Variants in SPECC1 observed in about 807,000 individuals in gnomAD.
The protein encoded by SPECC1 is sperm antigen with calponin homology and coiled-coil domains 1.
SPECC1 carries 62 observed loss-of-function variants against 104.1 expected under a neutral mutation model. The observed-to-expected ratio is 0.60, with a 90% CI of 0.49 to 0.74. SPECC1 has a LOEUF of 0.74. Ranked by LOEUF, SPECC1 falls within the 30% of genes least tolerant of loss-of-function variation. SPECC1 has a pLI of 0.00. For missense variants in SPECC1, 1,306 were observed against 1,310.5 expected, an observed-to-expected ratio of 1.00 and a Z score of 0.05; for synonymous variants, 513 against 501.6, an observed-to-expected ratio of 1.02 and a Z score of -0.30.
chr17:20,302,144 C>A (rs999371220), intron 13 of SPECC1, among the ~76,000 whole-genome samples: 5 of 152,238 alleles, frequency 3.3e-5, no homozygotes, highest in African/African-American at 1.2e-4. Flanking sequence ...TGAAGTGTGA[C>A]CCTGAGAGGG....
At chr17:20,313,866 A>C in intron 14 of SPECC1, 110 bp from the exon 15 acceptor site, 1 of 952,208 alleles carries the variant, frequency 1.1e-6, no homozygotes, top group Non-Finnish European at 1.6e-6. Context: ...TGTCTGTGTA[A>C]GTGGAGGGTT....
intron 12 of SPECC1, among the ~76,000 whole-genome samples, chr17:20,269,015 T>A (rs999163012): frequency 6.6e-6 from 1 of 152,192 alleles, no homozygotes; most frequent in African/African-American, 2.4e-5. Context: ...CCCACCTTAG[T>A]CTGCACAAAC....
intron 1 of SPECC1, 33 bp from the exon 2 acceptor site, chr17:20,096,598 G>T: frequency 6.4e-7 from 1 of 1,574,128 alleles, no homozygotes; most frequent in Non-Finnish European, 8.7e-7. Context: ...TTCAAGTGAT[G>T]GAGACATGTT....
Position 20,041,268 on chromosome 17 carries a change from T to G in SPECC1, c.-22+31844T>G, listed in dbSNP as rs538156526. Among the ~76,000 whole-genome samples the G allele has an allele frequency of 3.9e-5, 6 of 152,316 alleles. No homozygotes were observed. The South Asian group carries it at 1.2e-3, about 32-fold the overall frequency. ...CTATTTTTTTGAGATGGAGTTTTGC[T>G]CTTGTTGCCCAGGCTGGAGTGCAAT... is the stretch of plus-strand genomic sequence containing the variant. On this transcript the variant is annotated intron_variant, in intron 1 of 14. Transcript: ENST00000395527.
chr17:20,120,343 G>A, intron 3 of SPECC1, among the ~76,000 whole-genome samples: 1 of 152,012 alleles, frequency 6.6e-6, no homozygotes, highest in East Asian at 1.9e-4. Context: ...CCGAGATTGT[G>A]CCACTGCACT....
chr17:20,310,445 G>C (rs1165773385), intron 14 of SPECC1, among the ~76,000 whole-genome samples: 2 of 152,116 alleles, frequency 1.3e-5, no homozygotes, highest in Non-Finnish European at 2.9e-5. Flanking sequence ...GAGATGATGA[G>C]ATCTTTAAAA....
chr17:20,153,813 G>T (rs2032225199), intron 3 of SPECC1, among the ~76,000 whole-genome samples: 1 of 152,198 alleles, frequency 6.6e-6, no homozygotes, highest in Non-Finnish European at 1.5e-5. Flanking sequence ...ACAAACTCAG[G>T]CTCTGCCTAT....
chr17:20,216,770 T>C (rs1004682441), intron 4 of SPECC1, among the ~76,000 whole-genome samples: 2 of 152,302 alleles, frequency 1.3e-5, no homozygotes, highest in African/African-American at 4.8e-5. Flanking sequence ...AATTGAGAGA[T>C]GCATGAGAGT....
At chr17:20,170,551 C>A (rs988879472) in intron 3 of SPECC1, among the ~76,000 whole-genome samples, 1 of 152,142 alleles carries the variant, frequency 6.6e-6, no homozygotes, top group African/African-American at 2.4e-5. Context: ...TCACTGGGAC[C>A]TTGCCCACCC....
At chr17:20,026,011 T>G (rs2152437230) in intron 1 of SPECC1, among the ~76,000 whole-genome samples, 1 of 152,198 alleles carries the variant, frequency 6.6e-6, no homozygotes, top group Admixed American at 6.5e-5. Flanking sequence ...TTGTATATAG[T>G]CTTTAGATAA....
intron 10 of SPECC1, among the ~76,000 whole-genome samples, chr17:20,255,675 C>T (rs1258859414): frequency 6.6e-6 from 1 of 152,122 alleles, no homozygotes; most frequent in Non-Finnish European, 1.5e-5. Flanking sequence ...AAATGATCCT[C>T]CTGCTTCAGC....
intron 1 of SPECC1, among the ~76,000 whole-genome samples, chr17:20,080,078 C>T (rs888979308): frequency 7.2e-5 from 11 of 152,168 alleles, no homozygotes; most frequent in African/African-American, 2.7e-4. Flanking sequence ...CTAAAACTGA[C>T]TTAACATTAT....
chr17:20,159,732 T>C (rs1314524440), intron 3 of SPECC1, among the ~76,000 whole-genome samples: 1 of 152,230 alleles, frequency 6.6e-6, no homozygotes, highest in Admixed American at 6.5e-5. Context: ...GAAAATTTCA[T>C]GTCTGAAATT....
chr17:20,098,234 A>C (rs931590113), intron 2 of SPECC1, among the ~76,000 whole-genome samples: 1 of 151,670 alleles, frequency 6.6e-6, no homozygotes, highest in Non-Finnish European at 1.5e-5. Context: ...GTAAATAGCA[A>C]CTCCATCTTC....
At chr17:20,133,726 C>T (rs2049776616) in intron 3 of SPECC1, among the ~76,000 whole-genome samples, 2 of 152,140 alleles carry the variant, frequency 1.3e-5, no homozygotes, top group Admixed American at 6.5e-5. Context: ...GAACTTGGCA[C>T]CTCTGGCAAA....
chr17:20,049,578 ACT>A (rs1454405707), intron 1 of SPECC1, among the ~76,000 whole-genome samples: 1 of 151,998 alleles, frequency 6.6e-6, no homozygotes, highest in Non-Finnish European at 1.5e-5. Flanking sequence ...AGGAAAATTA[ACT>A]CTGTCTGGAT....
intron 4 of SPECC1, among the ~76,000 whole-genome samples, chr17:20,220,602 A>T (rs975617979): frequency 1.4e-5 from 2 of 143,530 alleles, no homozygotes. Context: ...TTTTCCAGAT[A>T]TCAAGTCATA....
At chr17:20,127,542 C>T (rs1429393026) in intron 3 of SPECC1, among the ~76,000 whole-genome samples, 3 of 151,302 alleles carry the variant, frequency 2.0e-5, no homozygotes, top group African/African-American at 4.9e-5. Flanking sequence ...TCCTGGGCTC[C>T]AGCAGTCCTC....
At chr17:20,052,997 G>C (rs1316020092) in intron 1 of SPECC1, among the ~76,000 whole-genome samples, 1 of 152,062 alleles carries the variant, frequency 6.6e-6, no homozygotes, top group Non-Finnish European at 1.5e-5. Context: ...CTCAAACAAA[G>C]AAGTGTCCCT....
Sources: allele counts gnomAD v4.1 joint callset (sites outside exome capture counted in the v4.1 genomes callset), GRCh38; gene constraint gnomAD v4.1.1; transcripts MANE v1.5; gene names NCBI Gene and HGNC (gene_info 2026-07-23, HGNC 2026-07-21).